NLGN1: variants seen among roughly 807,000 people sequenced by gnomAD.
The protein encoded by NLGN1 is neuroligin-1.
In NLGN1, 12 loss-of-function variants were observed where a neutral mutation model predicts 65.5. The ratio of observed to expected loss-of-function variants is 0.18; its 90% CI spans 0.12 to 0.30. The LOEUF is 0.30. Ranked by LOEUF, NLGN1 falls within the 10% of genes least tolerant of loss-of-function variation. The pLI, the probability that NLGN1 is intolerant of heterozygous loss-of-function variation, is 1.00. For missense variants in NLGN1, 750 were observed against 1,007.1 expected (o/e 0.74, Z 3.46); for synonymous variants, 350 against 359.5 (o/e 0.97, Z 0.30).
intron 3 of NLGN1, among the ~76,000 whole-genome samples, chr3:173,712,953 A>T (rs1769226908): frequency 6.6e-6 from 1 of 152,104 alleles, no homozygotes; most frequent in African/African-American, 2.4e-5. Flanking sequence ...ACAATGAGAG[A>T]TATGTGTAGT....
rs554952718 is a variant in NLGN1 at position 173,421,833 on chromosome 3, A to G, written c.-389-13177A>G. On this transcript the variant is annotated intron_variant, in intron 1 of 6. Coordinates refer to ENST00000457714, the Ensembl canonical transcript of NLGN1. ...ACCACACCTGGCCCAGTTTAGAATT[A>G]TGTTTTGTTTTTAGTTGCTATGTCT... 3.6e-4 allele frequency among the ~76,000 whole-genome samples: 54 copies of G among 152,100 alleles called. No individual in the cohort carries two copies. In the South Asian group the frequency reaches 0.01, roughly 29 times the overall value.
chr3:174,225,347 T>A (rs1027736357), intron 4 of NLGN1, among the ~76,000 whole-genome samples: 10 of 152,212 alleles, frequency 6.6e-5, no homozygotes, highest in African/African-American at 2.4e-4. Flanking sequence ...AAAAAGAAAA[T>A]TTAGCAACCG....
chr3:173,667,941 A>G (rs1018661758), intron 3 of NLGN1, among the ~76,000 whole-genome samples: 4 of 152,060 alleles, frequency 2.6e-5, no homozygotes, highest in African/African-American at 9.7e-5. Flanking sequence ...CCATTTTTTT[A>G]TAATAGCAAA....
At chr3:173,910,729 T>C (rs1739421608) in intron 4 of NLGN1, 1 of 152,194 alleles carries the variant, frequency 6.6e-6, no homozygotes, top group African/African-American at 2.4e-5. Context: ...AAAATTATTT[T>C]GGTAATAATG....
chr3:173,720,906 T>C (rs1770727663), intron 3 of NLGN1, among the ~76,000 whole-genome samples: 1 of 152,182 alleles, frequency 6.6e-6, no homozygotes, highest in Non-Finnish European at 1.5e-5. Flanking sequence ...TACGTAGAGC[T>C]ATGATGAGGA....
At chr3:174,086,186 T>G (rs1743198922) in intron 4 of NLGN1, among the ~76,000 whole-genome samples, 1 of 147,768 alleles carries the variant, frequency 6.8e-6, no homozygotes, top group Non-Finnish European at 1.5e-5. Flanking sequence ...TATATATATG[T>G]GTGTGTGTGT....
At chr3:174,263,666 G>A (rs1300594075) in intron 4 of NLGN1, among the ~76,000 whole-genome samples, 1 of 151,906 alleles carries the variant, frequency 6.6e-6, no homozygotes, top group East Asian at 1.9e-4. Flanking sequence ...TTTAATTGGA[G>A]CATTTAGCCC....
At chr3:173,908,284 C>G (rs1738870521) in intron 4 of NLGN1, among the ~76,000 whole-genome samples, 1 of 152,120 alleles carries the variant, frequency 6.6e-6, no homozygotes, top group Non-Finnish European at 1.5e-5. Flanking sequence ...GGAGTTTTTG[C>G]AACTTACCAA....
At chr3:173,972,710 C>A (rs1716538833) in intron 4 of NLGN1, among the ~76,000 whole-genome samples, 1 of 151,968 alleles carries the variant, frequency 6.6e-6, no homozygotes, top group Non-Finnish European at 1.5e-5. Context: ...AGTTAAGAGT[C>A]CTGGTGAGGC....
chr3:173,696,035 C>T (rs986796805), intron 3 of NLGN1, among the ~76,000 whole-genome samples: 1 of 152,264 alleles, frequency 6.6e-6, no homozygotes, highest in East Asian at 1.9e-4. Flanking sequence ...TTGTCTTTAA[C>T]TCCTGAGCTC....
At position 173,844,098 on chromosome 3, in the gene NLGN1, T is replaced by G. The variant is rs770217995; in HGVS notation, c.646+36266T>G. 5.1e-4 allele frequency among the ~76,000 whole-genome samples: 78 copies of G among 152,128 alleles called. 1 individual carries two copies. The highest frequency in any genetic ancestry group is 8.8e-4 in the Non-Finnish European group (60 of 68,012). On this transcript the variant is annotated intron_variant, in intron 4 of 6. Coordinates refer to ENST00000457714, the Ensembl canonical transcript of NLGN1. ...GCTTGTGCAGGAAAACTCCTGTTTT[T>G]AAAACCATGAGATCTCATGAGCCTC...
intron 1 of NLGN1, among the ~76,000 whole-genome samples, chr3:173,424,303 C>A (rs1000581529): frequency 2.6e-5 from 4 of 152,116 alleles, no homozygotes; most frequent in Non-Finnish European, 5.9e-5. Context: ...GGGACATTTT[C>A]CCCATTGTCT....
intron 3 of NLGN1, among the ~76,000 whole-genome samples, chr3:173,665,132 C>A (rs1761517559): frequency 6.6e-6 from 1 of 152,130 alleles, no homozygotes; most frequent in Non-Finnish European, 1.5e-5. Flanking sequence ...AAAATCTCAT[C>A]TTGAATTGTA....
intron 3 of NLGN1, among the ~76,000 whole-genome samples, chr3:173,674,923 T>C (rs1560146750): frequency 1.3e-5 from 2 of 151,986 alleles, no homozygotes; most frequent in Non-Finnish European, 2.9e-5. Context: ...TTTATCATTA[T>C]AAAAAAATTA....
chr3:174,265,700 C>T (rs972060018), intron 4 of NLGN1, among the ~76,000 whole-genome samples: 19 of 150,068 alleles, frequency 1.3e-4, no homozygotes, highest in African/African-American at 3.9e-4. Flanking sequence ...ATCTTTTTTC[C>T]GAATTCCTTA....
chr3:173,833,846 A>T (rs1723077350), intron 4 of NLGN1, among the ~76,000 whole-genome samples: 1 of 152,146 alleles, frequency 6.6e-6, no homozygotes, highest in Non-Finnish European at 1.5e-5. Context: ...GGAGTTTAAA[A>T]TTTGTTATAT....
At chr3:173,816,672 G>T (rs1484098084) in intron 4 of NLGN1, among the ~76,000 whole-genome samples, 1 of 152,134 alleles carries the variant, frequency 6.6e-6, no homozygotes, top group Non-Finnish European at 1.5e-5. Context: ...AAGTGGTCCT[G>T]GCCTGCATTT....
At chr3:173,914,090 TAC>T (rs1298580160) in intron 4 of NLGN1, among the ~76,000 whole-genome samples, 2 of 152,174 alleles carry the variant, frequency 1.3e-5, no homozygotes, top group Admixed American at 6.5e-5. Context: ...TTCCTTACAA[TAC>T]ACAGTTGATA....
intron 1 of NLGN1, among the ~76,000 whole-genome samples, chr3:173,422,652 A>G (rs1442891962): frequency 6.6e-6 from 1 of 152,080 alleles, no homozygotes; most frequent in African/African-American, 2.4e-5. Context: ...CTTTTTGATC[A>G]TAGCCATTTT....
Sources: gnomAD v4.1 joint callset for allele counts (sites outside exome capture counted in the v4.1 genomes callset) on GRCh38, gnomAD v4.1.1 for gene constraint, MANE v1.5 for transcripts, NCBI Gene and HGNC (gene_info 2026-07-23, HGNC 2026-07-21) for gene names.